Variants in EPHA7 observed in about 807,000 individuals in gnomAD.
EPHA7 encodes the protein EPH receptor A7, also known as ephrin type-A receptor 7.
EPHA7 carries 25 observed loss-of-function variants against 112.6 expected under a neutral mutation model. That is an observed-to-expected ratio of 0.22 (90% CI 0.16 to 0.31). The LOEUF is 0.31. Among genes scored for constraint, EPHA7 ranks in the 10% least tolerant of loss-of-function variants. The probability of loss-of-function intolerance (pLI) is 1.00; values close to 1 mark genes in which losing one functional copy is unlikely to be tolerated. For synonymous variants in EPHA7, 437 were observed against 406.5 expected, an observed-to-expected ratio of 1.07 and a Z score of -0.90; for missense variants, 962 against 1,212.6, an observed-to-expected ratio of 0.79 and a Z score of 3.07.
At chr6:93,382,507 G>T (rs906492329) in intron 3 of EPHA7, among the ~76,000 whole-genome samples, 2 of 152,116 alleles carry the variant, frequency 1.3e-5, no homozygotes, top group Non-Finnish European at 2.9e-5. Flanking sequence ...GCAGGTGGGG[G>T]TTAGGGACCC....
chr6:93,263,409 A>G (rs559527778), intron 9 of EPHA7, among the ~76,000 whole-genome samples: 75 of 151,528 alleles, frequency 4.9e-4, no homozygotes, highest in Non-Finnish European at 9.5e-4. Flanking sequence ...TGAAATATCT[A>G]TCAATGATAG....
Position 93,411,038 on chromosome 6 carries a change from A to G in EPHA7, c.295T>C (p.Phe99Leu). Residue 99 changes from phenylalanine (F) to leucine (L), a missense_variant, in exon 3 of 17, where the codon TTT becomes CTT. Coordinates refer to ENST00000369303, the MANE Select transcript of EPHA7 (RefSeq NM_004440.4). ...WISKGNAQRIFVELKFTLRDC... is the reference protein window; with the variant it reads ...WISKGNAQRILVELKFTLRDC... ...CTCAGGGTGAATTTCAATTCTACAAAAATCCTTTGTGCATTGCCTTTGGAA... is the reference window on the plus strand; with the variant it reads ...CTCAGGGTGAATTTCAATTCTACAAGAATCCTTTGTGCATTGCCTTTGGAA... 6.2e-7 allele frequency: 1 copy of G among 1,614,054 alleles called. No individual in the cohort carries two copies. Among genetic ancestry groups the G allele is most frequent in the Non-Finnish European group, 8.5e-7 (1 of 1,179,970 alleles).
At position 93,264,317 on chromosome 6, in the gene EPHA7, T is replaced by C. The variant is rs892498264; in HGVS notation, c.1742+277A>G. 2.6e-5 allele frequency among the ~76,000 whole-genome samples: 4 copies of C among 151,506 alleles called. 1 individual carries two copies. The highest frequency in any genetic ancestry group is 2.0e-4 in the Admixed American group (3 of 15,122). ...AAAAGAGTAAACATTTCCCCAGGTA[T>C]ATTCTATATTTATTATGAAAACTTA... On this transcript the variant is annotated intron_variant, in intron 8 of 16. Transcript: ENST00000369303.
intron 5 of EPHA7, among the ~76,000 whole-genome samples, chr6:93,293,755 C>A (rs2127840213): frequency 6.6e-6 from 1 of 152,246 alleles, no homozygotes; most frequent in South Asian, 2.1e-4. Flanking sequence ...GAAAAGCTTT[C>A]AATTTCCTTG....
intron 5 of EPHA7, among the ~76,000 whole-genome samples, chr6:93,330,919 T>C (rs1774560765): frequency 6.6e-6 from 1 of 151,372 alleles, no homozygotes; most frequent in Admixed American, 6.6e-5. Flanking sequence ...ATTAACTCCT[T>C]ACTCTATAAC....
chr6:93,268,944 C>T (rs1047550492), intron 7 of EPHA7, among the ~76,000 whole-genome samples: 2 of 151,608 alleles, frequency 1.3e-5, no homozygotes, highest in African/African-American at 2.4e-5. Flanking sequence ...TATTCCATAA[C>T]AAAAATGAAA....
chr6:93,315,413 GGTCT>G (rs1044009324), intron 5 of EPHA7, among the ~76,000 whole-genome samples: 18 of 152,062 alleles, frequency 1.2e-4, no homozygotes, highest in African/African-American at 3.1e-4. Flanking sequence ...GCAGTTGCGT[GGTCT>G]GTCTTTGTCT....
intron 13 of EPHA7, among the ~76,000 whole-genome samples, chr6:93,255,389 T>C (rs569603127): frequency 2.1e-4 from 32 of 152,044 alleles, no homozygotes; most frequent in African/African-American, 7.2e-4. Flanking sequence ...AAAGACAAAC[T>C]AGGCAAAGTT....
intron 5 of EPHA7, among the ~76,000 whole-genome samples, chr6:93,284,427 G>A (rs1771954830): frequency 6.6e-6 from 1 of 151,904 alleles, no homozygotes; most frequent in Admixed American, 6.6e-5. Flanking sequence ...AAAGGAGAAA[G>A]AAAAGAATAA....
At chr6:93,284,159 C>T (rs1046610526) in intron 5 of EPHA7, among the ~76,000 whole-genome samples, 2 of 152,026 alleles carry the variant, frequency 1.3e-5, no homozygotes, top group African/African-American at 4.8e-5. Context: ...TTTATTCTAT[C>T]TTTTTATTTT....
At chr6:93,333,322 A>T (rs1016070967) in intron 5 of EPHA7, among the ~76,000 whole-genome samples, 5 of 151,800 alleles carry the variant, frequency 3.3e-5, no homozygotes, top group African/African-American at 1.2e-4. Flanking sequence ...TGACTTTGCT[A>T]CTGTAAATTG....
intron 3 of EPHA7, among the ~76,000 whole-genome samples, chr6:93,401,175 G>A (rs1778421935): frequency 6.6e-6 from 1 of 151,930 alleles, no homozygotes; most frequent in Admixed American, 6.6e-5. Context: ...TTAGGAGCAA[G>A]AGATAACATA....
rs1458314724 is a variant in EPHA7 at position 93,258,196 on chromosome 6, G to C, written c.2013C>G (p.Tyr671Ter). 6.2e-7 allele frequency: 1 copy of C among 1,613,210 alleles called. No homozygotes were observed. Among genetic ancestry groups the C allele is most frequent in the Non-Finnish European group, 8.5e-7 (1 of 1,179,630 alleles). ...AVAIKTLKVGYTEKQRRDFLC... is the reference protein window; with the variant it reads ...AVAIKTLKVG ...AAAAGTCTCTCCTTTGTTTTTCTGT[G>C]TAACCAACTTTCAGGGTTTTTATGG... The change falls in exon 11 of 17, where the codon TAC (tyrosine) becomes TAG (stop). Residue 671 changes from tyrosine (Y) to a stop codon, truncating the protein, a stop_gained. Coordinates refer to ENST00000369303, the MANE Select transcript of EPHA7 (RefSeq NM_004440.4). LOFTEE classifies it high-confidence loss of function.
intron 3 of EPHA7, among the ~76,000 whole-genome samples, chr6:93,393,757 G>A (rs544354482): frequency 1.1e-3 from 161 of 151,570 alleles, no homozygotes; most frequent in Non-Finnish European, 2.1e-3. Context: ...ATTTAGATTC[G>A]AACACCTGGC....
chr6:93,382,640 C>T (rs1297188775), intron 3 of EPHA7, among the ~76,000 whole-genome samples: 1 of 152,162 alleles, frequency 6.6e-6, no homozygotes, highest in South Asian at 2.1e-4. Context: ...CATTTCCCCA[C>T]CTTACCATTC....
intron 5 of EPHA7, among the ~76,000 whole-genome samples, chr6:93,281,437 C>CACAAGG (rs1247443358): frequency 6.6e-6 from 1 of 152,140 alleles, no homozygotes; most frequent in African/African-American, 2.4e-5. Context: ...AAGGGTACTT[C>CACAAGG]ACAAGGTCAA....
rs372476548 is a variant in EPHA7 at position 93,301,365 on chromosome 6, A to T, written c.1325-28943T>A. Reference sequence around the variant, plus strand: ...CTTAAAATATTTTTGTGTTGGAAACATGACAGTTCTCTTCTAGCTAATTTG... The same window carrying T: ...CTTAAAATATTTTTGTGTTGGAAACTTGACAGTTCTCTTCTAGCTAATTTG... On this transcript the variant is annotated intron_variant, in intron 5 of 16. Transcript: ENST00000369303. Among the ~76,000 whole-genome samples the T allele has an allele frequency of 1.8e-4, 27 of 152,300 alleles. No individual in the cohort carries two copies. The East Asian group carries it at 3.9e-3, about 22-fold the overall frequency.
At chr6:93,353,583 G>T (rs1483576048) in intron 5 of EPHA7, among the ~76,000 whole-genome samples, 1 of 152,066 alleles carries the variant, frequency 6.6e-6, no homozygotes, top group Non-Finnish European at 1.5e-5. Flanking sequence ...GCCTTGACAG[G>T]TTCCCAAAGA....
At chr6:93,383,186 T>C (rs112097662) in intron 3 of EPHA7, among the ~76,000 whole-genome samples, 2,020 of 152,020 alleles carry the variant, frequency 0.013, 43 homozygotes, top group African/African-American at 0.046. Flanking sequence ...CACTGTAGTG[T>C]GTGTGTGTGT....
Sources: allele counts gnomAD v4.1 joint callset (sites outside exome capture counted in the v4.1 genomes callset), GRCh38; gene constraint gnomAD v4.1.1; transcripts MANE v1.5; gene names NCBI Gene and HGNC (gene_info 2026-07-23, HGNC 2026-07-21).